Variants in SVEP1 observed in about 807,000 individuals in gnomAD.
SVEP1 encodes the protein sushi, von Willebrand factor type A, EGF and pentraxin domain containing 1, also known as sushi, von Willebrand factor type A, EGF and pentraxin domain-containing protein 1.
In SVEP1, 164 loss-of-function variants were observed where a neutral mutation model predicts 367.3. That is an observed-to-expected ratio of 0.45 (90% CI 0.39 to 0.51). The LOEUF (loss-of-function observed/expected upper bound fraction) is 0.51. Among genes scored for constraint, SVEP1 ranks in the 20% least tolerant of loss-of-function variants. The probability of loss-of-function intolerance (pLI) is 0.00; values close to 1 mark genes in which losing one functional copy is unlikely to be tolerated. For missense variants in SVEP1, 4,117 were observed against 4,425.3 expected (o/e 0.93, Z 1.98); for synonymous variants, 1,666 against 1,611.6 (o/e 1.03, Z -0.81).
intron 3 of SVEP1, among the ~76,000 whole-genome samples, chr9:110,515,524 T>C (rs1047831326): frequency 1.3e-5 from 2 of 151,924 alleles, no homozygotes; most frequent in Non-Finnish European, 2.9e-5. Context: ...ATGGTCTCAA[T>C]CTCCTGACCT....
chr9:110,372,386 G>T (rs1441222468), intron 46 of SVEP1, among the ~76,000 whole-genome samples: 1 of 152,160 alleles, frequency 6.6e-6, no homozygotes, highest in African/African-American at 2.4e-5. Flanking sequence ...TGTTTTATAT[G>T]GTTGTGGTAT....
chr9:110,430,093 T>C (rs1828327141), intron 33 of SVEP1, 89 bp from the exon 34 acceptor site: 2 of 1,411,328 alleles, frequency 1.4e-6, no homozygotes, highest in African/African-American at 3.1e-5. Context: ...GATCTTTTTT[T>C]GTTTGTTTGT....
chr9:110,473,797 T>C (rs1829057885), intron 14 of SVEP1, among the ~76,000 whole-genome samples: 2 of 152,360 alleles, frequency 1.3e-5, no homozygotes, highest in South Asian at 4.1e-4. Context: ...GCATGATTTT[T>C]ACCTTGAGAA....
At chr9:110,403,592 C>A (rs533348157) in intron 39 of SVEP1, among the ~76,000 whole-genome samples, 2 of 151,836 alleles carry the variant, frequency 1.3e-5, no homozygotes, top group Non-Finnish European at 2.9e-5. Context: ...CGTGAGCCAC[C>A]GTGCCCGGCC....
At chr9:110,485,622 A>G (rs1012444656) in intron 9 of SVEP1, among the ~76,000 whole-genome samples, 2 of 152,178 alleles carry the variant, frequency 1.3e-5, no homozygotes, top group African/African-American at 2.4e-5. Flanking sequence ...TATAGAAAGT[A>G]ACTTTAATTT....
rs200790939 is a variant in SVEP1, at chr9:110,379,492, G to C, written c.10263C>G (p.His3421Gln). The change falls in exon 44 of 48, where the codon CAC becomes CAG. Residue 3421 changes from histidine (H) to glutamine (Q), a missense_variant. Coordinates refer to ENST00000374469, the MANE Select transcript of SVEP1 (RefSeq NM_153366.4). ...CEKISCGPPA[H>Q]VENAIARGVH... ...CGCCTCGAGCAATTGCATTTTCTAC[G>C]TGAGCTGGTGGACCACATGAGATTT... 4 of 1,613,578 alleles carry C rather than the reference G, an allele frequency of 2.5e-6. No homozygotes were observed. Among genetic ancestry groups the C allele is most frequent in the Middle Eastern group, 3.3e-4 (2 of 6,058 alleles).
intron 2 of SVEP1, among the ~76,000 whole-genome samples, chr9:110,548,820 C>G (rs1830249780): frequency 6.6e-6 from 1 of 152,170 alleles, no homozygotes. Flanking sequence ...CATCATCCCT[C>G]AGAGAGATAA....
chr9:110,393,487 C>T (rs1159525976), intron 40 of SVEP1, among the ~76,000 whole-genome samples: 1 of 152,180 alleles, frequency 6.6e-6, no homozygotes, highest in Non-Finnish European at 1.5e-5. Flanking sequence ...AACTGAGGTA[C>T]CGGGTTCATC....
Position 110,407,202 on chromosome 9 carries a change from C to G in SVEP1, c.8398G>C (p.Glu2800Gln). ...TTCAGCACATATCCGGGGTCACACT[C>G]ATAGTACAACGTGCTCAGGTATGTG... ...NYTYLSTLYY[E>Q]CDPGYVLNGT... The change falls in exon 38 of 48, where the codon GAG (glutamate) becomes CAG (glutamine). Residue 2800 changes from glutamate to glutamine, a missense_variant. This residue lies in a region of SVEP1 where 1,765 missense variants were observed against 1,781.1 expected (regional missense o/e 0.99). Transcript: ENST00000374469. The G allele has an allele frequency of 6.2e-7, 1 of 1,613,992 alleles. No homozygotes were observed. Among genetic ancestry groups the G allele is most frequent in the Non-Finnish European group, 8.5e-7 (1 of 1,179,884 alleles).
chr9:110,393,855 C>T (rs1827710079), intron 40 of SVEP1, among the ~76,000 whole-genome samples: 1 of 152,192 alleles, frequency 6.6e-6, no homozygotes, highest in Non-Finnish European at 1.5e-5. Context: ...AACAAAGCAG[C>T]CAGGAAGCTT....
chr9:110,514,528 A>C (rs1433571557), intron 3 of SVEP1, among the ~76,000 whole-genome samples: 1 of 151,640 alleles, frequency 6.6e-6, no homozygotes, highest in Admixed American at 6.6e-5. Flanking sequence ...AAAAAAAAAA[A>C]AGAAAGAAAG....
At chr9:110,549,070 T>C (rs1464985933) in intron 2 of SVEP1, among the ~76,000 whole-genome samples, 1 of 152,214 alleles carries the variant, frequency 6.6e-6, no homozygotes, top group Admixed American at 6.5e-5. Context: ...ACTGAATCTT[T>C]CACATGGATA....
At chr9:110,474,608 C>T (rs1829072215) in intron 14 of SVEP1, among the ~76,000 whole-genome samples, 1 of 152,040 alleles carries the variant, frequency 6.6e-6, no homozygotes, top group South Asian at 2.1e-4. Context: ...CCTTGTGCCC[C>T]CAAAACCTAC....
At chr9:110,390,286 CATACTTATAT>C (rs1182768492) in intron 40 of SVEP1, among the ~76,000 whole-genome samples, 5 of 39,922 alleles carry the variant, frequency 1.3e-4, no homozygotes, top group South Asian at 6.3e-4. Context: ...TATATATATA[CATACTTATAT>C]ATACTTATAT....
At chr9:110,501,584 G>A (rs7032744) in intron 6 of SVEP1, among the ~76,000 whole-genome samples, 4,912 of 151,978 alleles carry the variant, frequency 0.032, 265 homozygotes, top group African/African-American at 0.11. Flanking sequence ...TTTCTTACAA[G>A]AGCTAAAGCT....
chr9:110,424,919 C>T (rs187998100), intron 36 of SVEP1, among the ~76,000 whole-genome samples: 32 of 152,376 alleles, frequency 2.1e-4, no homozygotes, highest in Admixed American at 3.3e-4. Context: ...AGTGATCCAC[C>T]TGCCTTGGCC....
chr9:110,563,917 A>T (rs1045182984), intron 1 of SVEP1, among the ~76,000 whole-genome samples: 4 of 151,922 alleles, frequency 2.6e-5, no homozygotes, highest in African/African-American at 4.8e-5. Context: ...AAAAACACCT[A>T]CTCTCTCAGG....
chr9:110,531,769 CTA>C (rs1307003619), intron 3 of SVEP1, among the ~76,000 whole-genome samples: 1 of 152,190 alleles, frequency 6.6e-6, no homozygotes, highest in Non-Finnish European at 1.5e-5. Flanking sequence ...ACCCTGAATG[CTA>C]TGTCTTGCAC....
chr9:110,407,710 G>T lies in SVEP1; in HGVS notation c.7890C>A (p.Asp2630Glu), dbSNP rs1290137387. The T allele has an allele frequency of 1.9e-6, 3 of 1,613,932 alleles. No individual in the cohort carries two copies. The highest frequency in any genetic ancestry group is 2.5e-6 in the Non-Finnish European group (3 of 1,179,868). Reference protein sequence around the residue: ...DFGDCTKLKDDQGYFEQEDDM... With the variant: ...DFGDCTKLKDEQGYFEQEDDM... Reference sequence around the variant, plus strand: ...CGTCTTCTTGCTCAAAATATCCCTGGTCATCTTTGAGTTTAGTACAGTCTC... The same window carrying T: ...CGTCTTCTTGCTCAAAATATCCCTGTTCATCTTTGAGTTTAGTACAGTCTC... The change falls in exon 38 of 48, where the codon GAC becomes GAA. Residue 2630 changes from aspartate to glutamate, a missense_variant. Physicochemically the swap from Asp to Glu is conservative, Grantham distance 45 (BLOSUM62 2). Coordinates refer to ENST00000374469, the MANE Select transcript of SVEP1 (RefSeq NM_153366.4).
Sources: allele counts gnomAD v4.1 joint callset (sites outside exome capture counted in the v4.1 genomes callset), GRCh38; gene constraint gnomAD v4.1.1; regional missense constraint gnomAD v4.1.1; transcripts MANE v1.5; gene names NCBI Gene and HGNC (gene_info 2026-07-23, HGNC 2026-07-21).